The following VPS37B variants were observed in gnomAD, a reference collection of about 807,000 sequenced individuals.
VPS37B encodes vacuolar protein sorting-associated protein 37B.
In VPS37B, 11 loss-of-function variants were observed where a neutral mutation model predicts 21.2. The ratio of observed to expected loss-of-function variants is 0.52; its 90% CI spans 0.33 to 0.86. The LOEUF is 0.86. Ranked by LOEUF, VPS37B falls within the 40% of genes least tolerant of loss-of-function variation. The pLI, the probability that VPS37B is intolerant of heterozygous loss-of-function variation, is 0.03. For synonymous variants in VPS37B, 175 were observed against 159.6 expected (o/e 1.10, Z -0.73); for missense variants, 389 against 374.8 (o/e 1.04, Z -0.31).
chr12:122,869,394 T>C (rs964082970), intron 2 of VPS37B, among the ~76,000 whole-genome samples: 4 of 152,226 alleles, frequency 2.6e-5, no homozygotes, highest in African/African-American at 9.6e-5. Context: ...AGGAGGTGGC[T>C]GTGGCAGTGC....
In VPS37B at chr12:122,871,188, G is replaced by A. The variant is rs557992396; in HGVS notation, c.112-127C>T. 50 of 1,433,190 alleles carry A rather than the reference G, an allele frequency of 3.5e-5. No individual in the cohort carries two copies. The Admixed American group carries it at 5.4e-4, about 16-fold the overall frequency. 88.8% of individuals were successfully genotyped at this position (1,433,190 alleles called of 1,614,324 possible). ...CTCACTGGTCTCCACAGCTGGCACCGCATGCCAGGCAGATGCTACTGACCC... is the reference window on the plus strand; with the variant it reads ...CTCACTGGTCTCCACAGCTGGCACCACATGCCAGGCAGATGCTACTGACCC... On this transcript the variant is annotated intron_variant, in intron 1 of 3. Transcript: ENST00000267202.
Position 122,868,474 on chromosome 12 carries a change from C to CT in VPS37B, c.366+5dup. 1 of 1,612,118 alleles carries CT rather than the reference C, an allele frequency of 6.2e-7. No homozygotes were observed. The highest frequency in any genetic ancestry group is 8.5e-7 in the Non-Finnish European group (1 of 1,179,528). On this transcript the variant is annotated splice_donor_region_variant and intron_variant, in intron 3 of 3. Transcript: ENST00000267202. This position sits in a 1 kb window ranked among gnomAD's most constrained non-coding sequence, Gnocchi z 5.5. ...CAAGGATTCCACCAAGGCTGGTGGG[C>CT]TTTACCTCAGTGTCTTCCTCAATCT...
chr12:122,888,516 G>T (rs557515331), intron 1 of VPS37B: 2 of 455,634 alleles, frequency 4.4e-6, no homozygotes, highest in Non-Finnish European at 8.8e-6. Context: ...CTCCCACTGC[G>T]TACCTGGCAT....
In VPS37B at chr12:122,896,124, C is replaced by G. The variant is rs1053945163; in HGVS notation, c.-62G>C. On this transcript the variant is annotated 5_prime_UTR_variant, in exon 1 of 4. Transcript: ENST00000267202. The stretch of plus-strand genomic sequence containing the variant: ...GCCACCAGGCTCCGCCGACCGGAAG[C>G]GCCGCCCTCAAGGGCCGCCCCCCGC... The G allele has an allele frequency of 2.9e-6, 4 of 1,393,150 alleles. No homozygotes were observed. The highest frequency in any genetic ancestry group is 3.8e-6 in the Non-Finnish European group (4 of 1,065,190). 86.3% of individuals were successfully genotyped at this position (1,393,150 alleles called of 1,614,324 possible).
At position 122,888,280 on chromosome 12, in the gene VPS37B, AAAGCT is replaced by A. The variant is rs1443710529; in HGVS notation, c.111+7667_111+7671del. 14 of 312,270 alleles carry A rather than the reference AAAGCT, an allele frequency of 4.5e-5. No individual in the cohort carries two copies. In the East Asian group the frequency reaches 8.3e-4, roughly 19 times the overall value. 19.3% of individuals were successfully genotyped at this position (312,270 alleles called of 1,614,324 possible). On this transcript the variant is annotated intron_variant, in intron 1 of 3. Coordinates refer to ENST00000267202, the MANE Select transcript of VPS37B (RefSeq NM_024667.3). Reference sequence around the variant, plus strand: ...CACTGTAACGTATTCTAGAGACAACAAAGCTAAGCTAAGTCACCTCTCTACTTTCA... The same window carrying A: ...CACTGTAACGTATTCTAGAGACAACAAAGCTAAGTCACCTCTCTACTTTCA...
In VPS37B at chr12:122,870,982, G is replaced by A. The variant is rs1167533700; in HGVS notation, c.191C>T (p.Pro64Leu). The part of the protein sequence containing the change: ...SLAEGNLLYQ[P>L]QLDTLKARLT... ...GCGTGCTTTCAACGTGTCCAGCTGG[G>A]GCTGGTACAAAAGGTTTCCTTCTGC... is the stretch of plus-strand genomic sequence containing the variant. The change falls in exon 2 of 4, where the codon CCC becomes CTC. Residue 64 changes from proline (P) to leucine (L), a missense_variant. Physicochemically the swap from Pro to Leu is moderately conservative, Grantham distance 98. Transcript: ENST00000267202. 1 of 1,614,144 alleles carries A rather than the reference G, an allele frequency of 6.2e-7. No individual in the cohort carries two copies. The highest frequency in any genetic ancestry group is 1.7e-5 in the Admixed American group (1 of 60,018).
At chr12:122,885,031 A>G (rs554772215) in intron 1 of VPS37B, 1 of 152,276 alleles carries the variant, frequency 6.6e-6, no homozygotes, top group East Asian at 1.9e-4. Context: ...TTTAACTCTC[A>G]CGTGACTCCA....
Position 122,866,840 on chromosome 12 carries a change from G to T in VPS37B, c.*276C>A, listed in dbSNP as rs1375417482. ...GAGAGGCCTATTTCTTCCCAAACATGAGTTCATCAACGCTAAGATACTTAG... is the reference window on the plus strand; with the variant it reads ...GAGAGGCCTATTTCTTCCCAAACATTAGTTCATCAACGCTAAGATACTTAG... On this transcript the variant is annotated 3_prime_UTR_variant, in exon 4 of 4. Coordinates refer to ENST00000267202, the MANE Select transcript of VPS37B (RefSeq NM_024667.3). The T allele has an allele frequency of 2.6e-6, 1 of 380,810 alleles. No individual in the cohort carries two copies. The allele number at this position is 380,810 out of a possible 1,614,324, so 23.6% of individuals were successfully genotyped here. A position where few individuals can be genotyped will look rare whatever the true frequency, so the allele number is the denominator to read the frequency against.
chr12:122,869,028 C>A (rs1403111112), intron 2 of VPS37B, among the ~76,000 whole-genome samples: 1 of 152,184 alleles, frequency 6.6e-6, no homozygotes, highest in Non-Finnish European at 1.5e-5. Context: ...GGTCTTGACT[C>A]CACATCCTGG....
At chr12:122,885,918 C>CGTG (rs1440080573) in intron 1 of VPS37B, 3 of 151,218 alleles carry the variant, frequency 2.0e-5, no homozygotes, top group African/African-American at 7.3e-5. Flanking sequence ...CTCCTGACCT[C>CGTG]ATGATCCGCC....
intron 1 of VPS37B, chr12:122,881,966 C>T (rs1412599041): frequency 2.6e-5 from 4 of 152,122 alleles, no homozygotes; most frequent in Non-Finnish European, 5.9e-5. Context: ...AAGCAAACTT[C>T]GAGCATCATC....
intron 1 of VPS37B, chr12:122,877,149 C>T (rs2034165181): frequency 6.6e-6 from 1 of 152,178 alleles, no homozygotes; most frequent in African/African-American, 2.4e-5. Flanking sequence ...TAATATAATA[C>T]TTACAACAAC....
At chr12:122,878,461 G>A (rs1390467056) in intron 1 of VPS37B, 3 of 152,210 alleles carry the variant, frequency 2.0e-5, no homozygotes, top group Non-Finnish European at 4.4e-5. Context: ...GTGACAGGAT[G>A]CTTGTGGTGT....
In VPS37B at chr12:122,869,522, G is replaced by A. The variant is rs1020614156; in HGVS notation, c.284-960C>T. On this transcript the variant is annotated intron_variant, in intron 2 of 3. Coordinates refer to ENST00000267202, the MANE Select transcript of VPS37B (RefSeq NM_024667.3). ...GTCATTCTGGTTTGGGTGTATGATC[G>A]TAAATTTTTACTGAAGTTAATGGAG... Among the ~76,000 whole-genome samples the A allele has an allele frequency of 9.2e-5, 14 of 152,346 alleles. No individual in the cohort carries two copies. The South Asian group carries it at 1.0e-3, about 11-fold the overall frequency.
At chr12:122,895,834 G>C in intron 1 of VPS37B, 118 bp downstream of exon 1, 1 of 882,482 alleles carries the variant, frequency 1.1e-6, no homozygotes, top group Non-Finnish European at 1.8e-6. Flanking sequence ...CCCATTTCTA[G>C]CCCAGTCCCC....
intron 1 of VPS37B, chr12:122,885,256 TAAAAAA>T (rs755377864): frequency 7.0e-6 from 1 of 142,034 alleles, no homozygotes. Flanking sequence ...TAAGACTTAC[TAAAAAA>T]AAAAAAAGTT....
chr12:122,892,570 A>T (rs987886616), intron 1 of VPS37B, among the ~76,000 whole-genome samples: 3 of 152,024 alleles, frequency 2.0e-5, no homozygotes, highest in Non-Finnish European at 4.4e-5. Context: ...GGCCTGTTAT[A>T]TTTACCATTT....
chr12:122,878,479 G>C (rs1488122457), intron 1 of VPS37B: 1 of 152,118 alleles, frequency 6.6e-6, no homozygotes, highest in Non-Finnish European at 1.5e-5. Context: ...TGTGCTGAAT[G>C]GTGTGCCCCC....
At chr12:122,891,897 T>C (rs1002132271) in intron 1 of VPS37B, among the ~76,000 whole-genome samples, 1 of 152,244 alleles carries the variant, frequency 6.6e-6, no homozygotes, top group Admixed American at 6.5e-5. Context: ...CTCAGCATTT[T>C]TGCATGCGGG....
Sources: allele counts gnomAD v4.1 joint callset (sites outside exome capture counted in the v4.1 genomes callset), GRCh38; gene constraint gnomAD v4.1.1; non-coding constraint Gnocchi (gnomAD v3.1); transcripts MANE v1.5; gene names NCBI Gene and HGNC (gene_info 2026-07-23, HGNC 2026-07-21).